The following DSCAM variants were observed in gnomAD, a reference collection of about 807,000 sequenced individuals.
DSCAM encodes DS cell adhesion molecule.
In DSCAM, 47 loss-of-function variants were observed where a neutral mutation model predicts 217.7. The ratio of observed to expected loss-of-function variants is 0.22; its 90% CI spans 0.17 to 0.28. DSCAM has a LOEUF of 0.28. DSCAM is among the 10% of genes least tolerant of loss of function. The probability of loss-of-function intolerance (pLI) is 1.00; values close to 1 mark genes in which losing one functional copy is unlikely to be tolerated. For synonymous variants in DSCAM, 1,056 were observed against 1,015.3 expected (o/e 1.04, Z -0.76); for missense variants, 2,080 against 2,618.3 (o/e 0.79, Z 4.49).
chr21:40,105,314 T>C (rs757473349), intron 20 of DSCAM, among the ~76,000 whole-genome samples: 15 of 152,118 alleles, frequency 9.9e-5, no homozygotes, highest in Non-Finnish European at 2.1e-4. Context: ...GTTATTGGCT[T>C]GTTCACTGTG....
chr21:40,607,754 G>C (rs1424423611), intron 3 of DSCAM, among the ~76,000 whole-genome samples: 4 of 152,160 alleles, frequency 2.6e-5, no homozygotes, highest in Non-Finnish European at 5.9e-5. Flanking sequence ...CTTCTGCCAT[G>C]AGTGTGAGGC....
At chr21:40,174,201 T>C (rs1303661020) in intron 15 of DSCAM, among the ~76,000 whole-genome samples, 4 of 152,198 alleles carry the variant, frequency 2.6e-5, no homozygotes, top group Non-Finnish European at 4.4e-5. Context: ...GGGGAAGCCA[T>C]GAAGACTGCG....
chr21:40,170,682 A>G (rs1304249668), intron 15 of DSCAM, among the ~76,000 whole-genome samples: 1 of 152,216 alleles, frequency 6.6e-6, no homozygotes, highest in Non-Finnish European at 1.5e-5. Flanking sequence ...ACACACAGAT[A>G]ATTCTGTGCT....
chr21:40,806,590 T>C (rs972971296), intron 1 of DSCAM, among the ~76,000 whole-genome samples: 24 of 152,234 alleles, frequency 1.6e-4, no homozygotes, highest in African/African-American at 5.5e-4. Flanking sequence ...TTGTGAATGC[T>C]ACAATATGTA....
chr21:40,031,275 C>T (rs1359857916), intron 32 of DSCAM, among the ~76,000 whole-genome samples: 1 of 152,034 alleles, frequency 6.6e-6, no homozygotes, highest in Non-Finnish European at 1.5e-5. Context: ...TGCTGAGTGA[C>T]CAGAAGGAAG....
chr21:40,815,605 T>C (rs913008858), intron 1 of DSCAM, among the ~76,000 whole-genome samples: 2 of 152,224 alleles, frequency 1.3e-5, no homozygotes, highest in South Asian at 2.1e-4. Context: ...ATAATGGAAG[T>C]GTCACACACA....
chr21:40,665,478 G>A (rs761845432), intron 3 of DSCAM, among the ~76,000 whole-genome samples: 51 of 152,222 alleles, frequency 3.4e-4, no homozygotes, highest in Non-Finnish European at 4.9e-4. Context: ...TGTCCTCTCC[G>A]CACTTTCATT....
intron 4 of DSCAM, among the ~76,000 whole-genome samples, chr21:40,358,445 A>G (rs2074719983): frequency 7.8e-6 from 1 of 127,674 alleles, no homozygotes; most frequent in African/African-American, 3.1e-5. Flanking sequence ...ATGACCTTGA[A>G]GAGTTCTTAG....
At chr21:40,469,144 T>G (rs554611058) in intron 3 of DSCAM, among the ~76,000 whole-genome samples, 1 of 152,286 alleles carries the variant, frequency 6.6e-6, no homozygotes, top group Admixed American at 6.5e-5. Flanking sequence ...TAACAACCCC[T>G]ACCCTGGCAG....
intron 15 of DSCAM, among the ~76,000 whole-genome samples, chr21:40,169,984 A>ACT (rs1769351732): frequency 6.6e-6 from 1 of 151,826 alleles, no homozygotes; most frequent in South Asian, 2.1e-4. Flanking sequence ...TCTCTATTGT[A>ACT]CTCTTTTAAA....
At chr21:40,496,833 C>G (rs2076122362) in intron 3 of DSCAM, among the ~76,000 whole-genome samples, 1 of 151,974 alleles carries the variant, frequency 6.6e-6, no homozygotes, top group Non-Finnish European at 1.5e-5. Flanking sequence ...GGCCAAAGAA[C>G]CTGAATAGAC....
At chr21:40,187,574 C>A (rs558860241) in intron 13 of DSCAM, among the ~76,000 whole-genome samples, 3 of 152,294 alleles carry the variant, frequency 2.0e-5, no homozygotes, top group East Asian at 1.9e-4. Context: ...TCATTCTGGT[C>A]ATCTAGTACA....
intron 3 of DSCAM, among the ~76,000 whole-genome samples, chr21:40,625,614 G>A (rs981914045): frequency 6.6e-6 from 1 of 152,132 alleles, no homozygotes; most frequent in Non-Finnish European, 1.5e-5. Context: ...GGATCCTGCT[G>A]CAGGAGCTGG....
chr21:40,153,124 C>T (rs1056829612), intron 16 of DSCAM, among the ~76,000 whole-genome samples: 2 of 152,196 alleles, frequency 1.3e-5, no homozygotes, highest in African/African-American at 4.8e-5. Flanking sequence ...CATCTTTGTG[C>T]GTTTTCTGCA....
chr21:40,577,432 C>G (rs2076861348), intron 3 of DSCAM, among the ~76,000 whole-genome samples: 1 of 146,014 alleles, frequency 6.8e-6, no homozygotes, highest in South Asian at 2.2e-4. Context: ...CTTTGGGGAC[C>G]TGAAAATTGT....
chr21:40,114,997 T>C (rs904764894), intron 20 of DSCAM, among the ~76,000 whole-genome samples: 5 of 152,190 alleles, frequency 3.3e-5, no homozygotes, highest in African/African-American at 1.2e-4. Flanking sequence ...ATTGTGGAAG[T>C]CAGTGTGGCG....
intron 13 of DSCAM, 101 bp downstream of exon 13, chr21:40,187,790 T>C: frequency 9.7e-7 from 1 of 1,030,668 alleles, no homozygotes; most frequent in Non-Finnish European, 1.5e-6. Flanking sequence ...AATTAGGAAG[T>C]GTTACATGGC....
rs374496495 is a variant in DSCAM at position 40,085,573 on chromosome 21, T to C, written c.4132+29A>G. On this transcript the variant is annotated intron_variant, in intron 23 of 32. Transcript: ENST00000400454. The stretch of plus-strand genomic sequence containing the variant: ...ATAGAAAGCATACATGTAAAAGATA[T>C]CATTAAAAAGAGTCCTCAAATGTTG... 1.3e-5 allele frequency: 19 copies of C among 1,453,748 alleles called. No homozygotes were observed. In the African/African-American group the frequency reaches 2.3e-4, roughly 17 times the overall value. The allele number at this position is 1,453,748 out of a possible 1,614,324, so 90.1% of individuals were successfully genotyped here. A position where few individuals can be genotyped will look rare whatever the true frequency, so the allele number is the denominator to read the frequency against.
intron 3 of DSCAM, among the ~76,000 whole-genome samples, chr21:40,539,594 G>T (rs1170622952): frequency 1.3e-5 from 2 of 152,172 alleles, no homozygotes; most frequent in African/African-American, 4.8e-5. Flanking sequence ...GTGAAAGCCT[G>T]TTTGCAAACA....
Sources: allele counts gnomAD v4.1 joint callset (sites outside exome capture counted in the v4.1 genomes callset), GRCh38; gene constraint gnomAD v4.1.1; transcripts MANE v1.5; gene names NCBI Gene and HGNC (gene_info 2026-07-23, HGNC 2026-07-21).